OARD1: variants seen among roughly 807,000 people sequenced by gnomAD.
OARD1 encodes ADP-ribose glycohydrolase OARD1.
Under a neutral mutation model 19.7 loss-of-function variants are expected in OARD1, and 19 were observed. The observed-to-expected ratio is 0.96, with a 90% CI of 0.67 to 1.41. The LOEUF is 1.41. Among genes scored for constraint, OARD1 ranks in the 40% most tolerant of loss-of-function variants. OARD1 has a pLI of 0.00. For missense variants in OARD1, 190 were observed against 183.8 expected, an observed-to-expected ratio of 1.03 and a Z score of -0.20; for synonymous variants, 70 against 61.8, an observed-to-expected ratio of 1.13 and a Z score of -0.62.
upstream of OARD1, among the ~76,000 whole-genome samples, chr6:41,076,574 T>A (rs572382021): frequency 6.6e-6 from 1 of 152,266 alleles, no homozygotes; most frequent in Non-Finnish European, 1.5e-5. Flanking sequence ...GTCTCAGCTT[T>A]TGCACCTTGG....
At chr6:41,078,031 T>C in intron 1 of OARD1, among the ~76,000 whole-genome samples, 1 of 151,996 alleles carries the variant, frequency 6.6e-6, no homozygotes, top group East Asian at 1.9e-4. Context: ...ATAAGAATTT[T>C]CAAGTGTGCA....
At chr6:41,089,114 G>T (rs1037084485) in intron 1 of OARD1, among the ~76,000 whole-genome samples, 3 of 152,062 alleles carry the variant, frequency 2.0e-5, no homozygotes, top group African/African-American at 7.2e-5. Context: ...CTCCCAAGTA[G>T]CTGGGATTAC....
In OARD1 at chr6:41,067,192, A is replaced by G; in HGVS notation, c.*143T>C. The G allele has an allele frequency of 2.0e-6, 1 of 508,482 alleles. No homozygotes were observed. The highest frequency in any genetic ancestry group is 3.3e-5 in the Admixed American group (1 of 30,458). The allele number at this position is 508,482 out of a possible 1,614,324, so 31.5% of individuals were successfully genotyped here. ...CCACAGTCATAATCCAAATACTTGA[A>G]TACAGCAACCAAAGTCTGTCTTGTT... is the stretch of plus-strand genomic sequence containing the variant. On this transcript the variant is annotated 3_prime_UTR_variant, in exon 6 of 6. Coordinates refer to ENST00000424266, the MANE Select transcript of OARD1 (RefSeq NM_001329686.2).
intron 1 of OARD1, among the ~76,000 whole-genome samples, chr6:41,079,537 A>G (rs1183514006): frequency 6.6e-6 from 1 of 152,202 alleles, no homozygotes; most frequent in African/African-American, 2.4e-5. Context: ...AGCTTCCAAT[A>G]AATCTTCTGT....
rs532739383 is a variant in OARD1 at position 41,070,260 on chromosome 6, T to C, written c.185-126A>G. On this transcript the variant is annotated intron_variant, in intron 3 of 5. Coordinates refer to ENST00000424266, the MANE Select transcript of OARD1 (RefSeq NM_001329686.2). The stretch of plus-strand genomic sequence containing the variant: ...GAATTTTCAACACTGAAGAAGGGAA[T>C]AGGGAAGACCTATTGTCTCCCACAA... 3.5e-5 allele frequency: 23 copies of C among 649,100 alleles called. No homozygotes were observed. In the Admixed American group the frequency reaches 3.8e-4, roughly 11 times the overall value. The allele number at this position is 649,100 out of a possible 1,614,324, so 40.2% of individuals were successfully genotyped here. A position where few individuals can be genotyped will look rare whatever the true frequency, so the allele number is the denominator to read the frequency against.
chr6:41,066,802 A>G lies in OARD1; in HGVS notation c.*533T>C, dbSNP rs534157222. The G allele has an allele frequency of 2.6e-5, 4 of 152,320 alleles. No homozygotes were observed. Among genetic ancestry groups the G allele is most frequent in the African/African-American group, 9.6e-5 (4 of 41,546 alleles). The allele number at this position is 152,320 out of a possible 1,614,324, so 9.4% of individuals were successfully genotyped here. A position where few individuals can be genotyped will look rare whatever the true frequency, so the allele number is the denominator to read the frequency against. On this transcript the variant is annotated 3_prime_UTR_variant, in exon 6 of 6. Transcript: ENST00000424266. ...AGCACAGAACCTCACTAACTCCCCA[A>G]ATTTTTATTTTTCCATTTTTATCAC...
At chr6:41,083,769 C>T (rs1763970969) in intron 1 of OARD1, among the ~76,000 whole-genome samples, 1 of 152,182 alleles carries the variant, frequency 6.6e-6, no homozygotes, top group African/African-American at 2.4e-5. Context: ...ATGGATTTAG[C>T]CCGTGTTTGG....
At chr6:41,091,954 T>A (rs903490226) in intron 1 of OARD1, among the ~76,000 whole-genome samples, 1 of 152,174 alleles carries the variant, frequency 6.6e-6, no homozygotes, top group Non-Finnish European at 1.5e-5. Flanking sequence ...GGAATTCTTT[T>A]CAGAATTCAA....
chr6:41,093,164 T>G, intron 1 of OARD1: 3 of 1,284,642 alleles, frequency 2.3e-6, no homozygotes, highest in Admixed American at 2.2e-5. Context: ...ATATGGCTTG[T>G]TTTCTCACGT....
In OARD1 at chr6:41,066,470, T is replaced by C. The variant is rs1347736900; in HGVS notation, c.*865A>G. The C allele has an allele frequency of 6.6e-6, 1 of 152,138 alleles. No homozygotes were observed. Among genetic ancestry groups the C allele is most frequent in the Non-Finnish European group, 1.5e-5 (1 of 68,016 alleles). The allele number at this position is 152,138 out of a possible 1,614,324, so 9.4% of individuals were successfully genotyped here. On this transcript the variant is annotated 3_prime_UTR_variant, in exon 6 of 6. Coordinates refer to ENST00000424266, the MANE Select transcript of OARD1 (RefSeq NM_001329686.2). The stretch of plus-strand genomic sequence containing the variant: ...TTTTTTTAAAGAAGACTCATAAGGA[T>C]TTTTGACAATCACTGATTTATTGGG...
intron 1 of OARD1, among the ~76,000 whole-genome samples, chr6:41,088,741 T>C (rs1764116403): frequency 6.6e-6 from 1 of 151,872 alleles, no homozygotes; most frequent in Non-Finnish European, 1.5e-5. Context: ...TGTCCTACCA[T>C]GCCTGGATAA....
intron 1 of OARD1, chr6:41,080,950 A>C: frequency 2.1e-6 from 3 of 1,395,450 alleles, no homozygotes; most frequent in Non-Finnish European, 3.1e-6. Flanking sequence ...TCCTCTCCTC[A>C]TGTCTGGTGC....
upstream of OARD1, among the ~76,000 whole-genome samples, chr6:41,073,270 C>T (rs1459877187): frequency 6.6e-6 from 1 of 151,522 alleles, no homozygotes; most frequent in Non-Finnish European, 1.5e-5. Flanking sequence ...GCACTCCCGG[C>T]CGAGGCCTGC....
intron 1 of OARD1, among the ~76,000 whole-genome samples, chr6:41,091,168 G>A (rs1461332530): frequency 6.6e-6 from 1 of 152,206 alleles, no homozygotes; most frequent in East Asian, 1.9e-4. Flanking sequence ...CAAAGTATAA[G>A]TTTTAAAATC....
At chr6:41,095,253 T>C (rs536387781) in intron 1 of OARD1, among the ~76,000 whole-genome samples, 2 of 152,190 alleles carry the variant, frequency 1.3e-5, no homozygotes, top group Non-Finnish European at 2.9e-5. Flanking sequence ...CCAGCTCCTG[T>C]CTACCTCTAA....
rs1763291936 is a variant in OARD1, at chr6:41,070,693, G to A, written c.184+439C>T. 1.8e-5 allele frequency: 5 copies of A among 272,702 alleles called. No individual in the cohort carries two copies. The Admixed American group carries it at 2.0e-4, about 11-fold the overall frequency. The allele number at this position is 272,702 out of a possible 1,614,324, so 16.9% of individuals were successfully genotyped here. A position where few individuals can be genotyped will look rare whatever the true frequency, so the allele number is the denominator to read the frequency against. On this transcript the variant is annotated intron_variant, in intron 3 of 5. Transcript: ENST00000424266. Reference sequence around the variant, plus strand: ...CTGTTAAGCCTGGAATGTGGTCGGAGAAACTGTTGCAGAAGCTTTACATAG... The same window carrying A: ...CTGTTAAGCCTGGAATGTGGTCGGAAAAACTGTTGCAGAAGCTTTACATAG...
At chr6:41,080,744 G>T (rs1232586261) in intron 1 of OARD1, 4 of 1,317,150 alleles carry the variant, frequency 3.0e-6, no homozygotes, top group South Asian at 1.2e-5. Context: ...GAGGTAAGGT[G>T]ATCTGTGTCT....
intron 1 of OARD1, among the ~76,000 whole-genome samples, chr6:41,096,870 C>T (rs1764371935): frequency 6.6e-6 from 1 of 152,254 alleles, no homozygotes; most frequent in African/African-American, 2.4e-5. Context: ...CCACGCAAAT[C>T]ACTTTACCCA....
At position 41,089,842 on chromosome 6, in the gene OARD1, G is replaced by A. The variant is rs577717233; in HGVS notation, c.-42+7871C>T. ...ACCATAAAAAAATATATTTTTGGCCGGGCGCGGTGGCTCATGCCTGTAATC... is the reference window on the plus strand; with the variant it reads ...ACCATAAAAAAATATATTTTTGGCCAGGCGCGGTGGCTCATGCCTGTAATC... On this transcript the variant is annotated intron_variant, in intron 1 of 4. Coordinates refer to the OARD1 transcript ENST00000480585. The A allele has an allele frequency of 8.2e-5, 105 of 1,278,376 alleles. 1 individual carries two copies. In the East Asian group the frequency reaches 8.9e-4, roughly 11 times the overall value. The allele number at this position is 1,278,376 out of a possible 1,614,324, so 79.2% of individuals were successfully genotyped here. A position where few individuals can be genotyped will look rare whatever the true frequency, so the allele number is the denominator to read the frequency against.
Sources: gnomAD v4.1 joint callset for allele counts (sites outside exome capture counted in the v4.1 genomes callset) on GRCh38, gnomAD v4.1.1 for gene constraint, MANE v1.5 for transcripts, NCBI Gene and HGNC (gene_info 2026-07-23, HGNC 2026-07-21) for gene names.